PTPRN2: variants seen among roughly 807,000 people sequenced by gnomAD.
The protein encoded by PTPRN2 is receptor-type tyrosine-protein phosphatase N2.
PTPRN2 carries 74 observed loss-of-function variants against 118.8 expected under a neutral mutation model. The ratio of observed to expected loss-of-function variants is 0.62; its 90% CI spans 0.52 to 0.76. PTPRN2 has a LOEUF of 0.76. PTPRN2 is among the 30% of genes least tolerant of loss of function. PTPRN2 has a pLI of 0.00. For synonymous variants in PTPRN2, 641 were observed against 608.0 expected (o/e 1.05, Z -0.80); for missense variants, 1,481 against 1,394.4 (o/e 1.06, Z -0.99).
intron 11 of PTPRN2, among the ~76,000 whole-genome samples, chr7:157,932,563 G>A (rs1289732420): frequency 6.6e-6 from 1 of 151,750 alleles, no homozygotes; most frequent in Non-Finnish European, 1.5e-5. Context: ...CAGTTTTAGA[G>A]TAGGGGTGAG....
intron 1 of PTPRN2, among the ~76,000 whole-genome samples, chr7:158,553,362 C>T (rs1475676463): frequency 6.6e-6 from 1 of 151,550 alleles, no homozygotes; most frequent in African/African-American, 2.4e-5. Flanking sequence ...ACGACCTTCC[C>T]TGTGTATATG....
chr7:158,128,334 T>G (rs1161647436), intron 9 of PTPRN2, among the ~76,000 whole-genome samples: 2 of 152,192 alleles, frequency 1.3e-5, no homozygotes, highest in African/African-American at 4.8e-5. Flanking sequence ...CAAAAAGCTG[T>G]GCTGTCTTCA....
At chr7:158,229,765 A>T (rs1362826509) in intron 3 of PTPRN2, among the ~76,000 whole-genome samples, 1 of 152,030 alleles carries the variant, frequency 6.6e-6, no homozygotes, top group Non-Finnish European at 1.5e-5. Flanking sequence ...AAAACATCAA[A>T]TATAAGAATG....
intron 3 of PTPRN2, among the ~76,000 whole-genome samples, chr7:158,206,540 G>A (rs895233761): frequency 6.6e-5 from 10 of 152,148 alleles, no homozygotes; most frequent in South Asian, 6.2e-4. Context: ...TGTGTCACCC[G>A]TCACCCAGCT....
At chr7:158,446,009 C>T (rs926576612) in intron 2 of PTPRN2, among the ~76,000 whole-genome samples, 7 of 152,126 alleles carry the variant, frequency 4.6e-5, no homozygotes, top group African/African-American at 9.7e-5. Context: ...GGTGAGCCTT[C>T]GGACCACCCC....
Position 157,722,131 on chromosome 7 carries a change from G to A in PTPRN2, c.1789-39194C>T, listed in dbSNP as rs4716773. Among the ~76,000 whole-genome samples, 696 of 152,292 alleles carry A rather than the reference G, an allele frequency of 4.6e-3. 13 individuals are homozygous for A. Among genetic ancestry groups the A allele is most frequent in the Admixed American group, 0.036 (546 of 15,302 alleles). ...GTGAGCCCCTGGCCCCCACCCTCACGTGTCTGTGAGGTCAGCTCCCCACGC... is the reference window on the plus strand; with the variant it reads ...GTGAGCCCCTGGCCCCCACCCTCACATGTCTGTGAGGTCAGCTCCCCACGC... On this transcript the variant is annotated intron_variant, in intron 12 of 22. Transcript: ENST00000389418.
Position 158,093,961 on chromosome 7 carries a change from G to C in PTPRN2, c.1644-12584C>G, listed in dbSNP as rs894937581. Among the ~76,000 whole-genome samples, 1 of 152,206 alleles carries C rather than the reference G, an allele frequency of 6.6e-6. No individual in the cohort carries two copies. The highest frequency in any genetic ancestry group is 1.5e-5 in the Non-Finnish European group (1 of 68,040). ...TATTTTCTTAAAGCATTGAGCAACT[G>C]CATCACTGTGCAGATTGTATCTTCT... On this transcript the variant is annotated intron_variant, in intron 10 of 22. Coordinates refer to ENST00000389418, the MANE Select transcript of PTPRN2 (RefSeq NM_002847.5). This position sits in a 1 kb window ranked among gnomAD's most constrained non-coding sequence, Gnocchi z 4.4.
In PTPRN2 at chr7:158,514,933, G is replaced by T. The variant is rs180843813; in HGVS notation, c.113-25148C>A. On this transcript the variant is annotated intron_variant, in intron 1 of 22. Transcript: ENST00000389418. ...GCTCTCTCAGGGGCATCATCATGAG[G>T]CCTCTGCAGAGCCAGAGGAAAGAAA... is the stretch of plus-strand genomic sequence containing the variant. 6.6e-4 allele frequency among the ~76,000 whole-genome samples: 100 copies of T among 152,244 alleles called. 1 individual carries two copies. Among genetic ancestry groups the T allele is most frequent in the Admixed American group, 4.8e-3 (73 of 15,294 alleles).
At chr7:157,648,819 G>A (rs1805360096) in intron 14 of PTPRN2, among the ~76,000 whole-genome samples, 1 of 146,690 alleles carries the variant, frequency 6.8e-6, no homozygotes, top group Non-Finnish European at 1.5e-5. Flanking sequence ...CATCCAGCGT[G>A]CACTGAACTC....
At chr7:158,132,862 C>T (rs1321296515) in intron 9 of PTPRN2, among the ~76,000 whole-genome samples, 1 of 150,796 alleles carries the variant, frequency 6.6e-6, no homozygotes, top group East Asian at 1.9e-4. Context: ...ACCTACCCAA[C>T]ATACACTCAT....
intron 12 of PTPRN2, among the ~76,000 whole-genome samples, chr7:157,896,249 A>T (rs891367182): frequency 2.0e-5 from 3 of 151,726 alleles, no homozygotes; most frequent in African/African-American, 7.3e-5. Context: ...AGAGGACAGG[A>T]GGAGCTGGGA....
chr7:158,063,526 C>T (rs1026144771), intron 11 of PTPRN2, among the ~76,000 whole-genome samples: 1 of 152,192 alleles, frequency 6.6e-6, no homozygotes, highest in African/African-American at 2.4e-5. Context: ...CCACTTGGGT[C>T]CCCTTTCACA....
At chr7:158,331,538 C>T (rs1586302966) in intron 2 of PTPRN2, among the ~76,000 whole-genome samples, 1 of 146,554 alleles carries the variant, frequency 6.8e-6, no homozygotes, top group African/African-American at 2.6e-5. Context: ...CACACTGTCA[C>T]CATAAGAGCT....
In PTPRN2 at chr7:158,418,470, G is replaced by A. The variant is rs1459808914; in HGVS notation, c.163+71265C>T. On this transcript the variant is annotated intron_variant, in intron 2 of 22. Coordinates refer to ENST00000389418, the MANE Select transcript of PTPRN2 (RefSeq NM_002847.5). Reference sequence around the variant, plus strand: ...TCAGTGTCCCGCTGTGTTAAGTCATGGTGTACTACATCGACATGCTCTAGC... The same window carrying A: ...TCAGTGTCCCGCTGTGTTAAGTCATAGTGTACTACATCGACATGCTCTAGC... Among the ~76,000 whole-genome samples, 6 of 149,968 alleles carry A rather than the reference G, an allele frequency of 4.0e-5. 1 individual carries two copies. Among genetic ancestry groups the A allele is most frequent in the African/African-American group, 7.4e-5 (3 of 40,554 alleles).
At chr7:158,125,083 C>T (rs1007550662) in intron 9 of PTPRN2, among the ~76,000 whole-genome samples, 2 of 152,162 alleles carry the variant, frequency 1.3e-5, no homozygotes, top group Non-Finnish European at 2.9e-5. Flanking sequence ...GGGTGGGGCA[C>T]AGAGCCCACT....
rs756995360 is a variant in PTPRN2, at chr7:158,025,843, G to A, written c.1723+55455C>T. ...TCCCAGCGCCAGGCCAGGGATTAAC[G>A]AGCCCGGCAGACAATTCCAATCCGG... is the stretch of plus-strand genomic sequence containing the variant. On this transcript the variant is annotated intron_variant, in intron 11 of 22. Transcript: ENST00000389418. Among the ~76,000 whole-genome samples, 15 of 152,364 alleles carry A rather than the reference G, an allele frequency of 9.8e-5. No homozygotes were observed. In the East Asian group the frequency reaches 1.2e-3, roughly 12 times the overall value.
intron 2 of PTPRN2, among the ~76,000 whole-genome samples, chr7:158,462,744 T>C (rs1819097256): frequency 6.6e-6 from 1 of 152,180 alleles, no homozygotes; most frequent in Non-Finnish European, 1.5e-5. Context: ...ACAGGAAGGA[T>C]GTCCAGCTCA....
intron 6 of PTPRN2, among the ~76,000 whole-genome samples, chr7:158,154,760 A>G (rs1259491892): frequency 4.2e-5 from 1 of 23,974 alleles, no homozygotes; most frequent in African/African-American, 7.6e-5. Context: ...AAAAAAAATC[A>G]TAAGTATATA....
intron 1 of PTPRN2, among the ~76,000 whole-genome samples, chr7:158,503,874 G>A (rs2129446539): frequency 6.6e-6 from 1 of 152,122 alleles, no homozygotes; most frequent in Non-Finnish European, 1.5e-5. Flanking sequence ...GGTGGTGTGT[G>A]CCTATAATCC....
Sources: gnomAD v4.1 joint callset for allele counts (sites outside exome capture counted in the v4.1 genomes callset) on GRCh38, gnomAD v4.1.1 for gene constraint, Gnocchi (gnomAD v3.1) non-coding constraint, MANE v1.5 for transcripts, NCBI Gene and HGNC (gene_info 2026-07-23, HGNC 2026-07-21) for gene names.